CENPE: variants seen among roughly 807,000 people sequenced by gnomAD.
CENPE encodes the protein centromere-associated protein E.
In CENPE, 145 loss-of-function variants were observed where a neutral mutation model predicts 336.1. That is an observed-to-expected ratio of 0.43 (90% CI 0.38 to 0.50). The LOEUF (loss-of-function observed/expected upper bound fraction) is 0.50. Ranked by LOEUF, CENPE falls within the 20% of genes least tolerant of loss-of-function variation. The pLI is 0.00. For synonymous variants in CENPE, 1,013 were observed against 984.8 expected (o/e 1.03, Z -0.54); for missense variants, 2,719 against 3,023.3 (o/e 0.90, Z 2.36).
intron 41 of CENPE, among the ~76,000 whole-genome samples, 196 bp downstream of exon 41, chr4:103,133,499 A>G (rs1385080318): frequency 2.0e-5 from 3 of 152,174 alleles, no homozygotes; most frequent in Admixed American, 6.5e-5. Flanking sequence ...GCATAGACAT[A>G]AGTTTTCCTG....
intron 46 of CENPE, 147 bp downstream of exon 46, chr4:103,114,308 T>C (rs1749883262): frequency 1.8e-6 from 1 of 564,366 alleles, no homozygotes; most frequent in Non-Finnish European, 3.1e-6. Context: ...TCTGGAAATA[T>C]GGTTCCAATA....
chr4:103,158,565 G>C (rs376919411), intron 23 of CENPE, 49 bp downstream of exon 23: 1 of 1,541,642 alleles, frequency 6.5e-7, no homozygotes, highest in Non-Finnish European at 8.7e-7. Context: ...CCTCTGCAAT[G>C]TTTTTAAGAG....
rs1364108545 is a variant in CENPE, at chr4:103,140,359, T to G, written c.5810A>C (p.Lys1937Thr). The G allele has an allele frequency of 6.2e-7, 1 of 1,605,558 alleles. No homozygotes were observed. Among genetic ancestry groups the G allele is most frequent in the African/African-American group, 1.3e-5 (1 of 74,532 alleles). ...TTCTCTAAGTTTATCAACAGTTTCT[T>G]TGTGTTCTTTTGATAGCATACGAGC... ...KTARMLSKEH[K>T]ETVDKLREKI... The change falls in exon 37 of 49, where the codon AAA (lysine) becomes ACA (threonine). Residue 1937 changes from lysine (K) to threonine (T), a missense_variant. By Grantham distance (78) the Lys-to-Thr change is moderately conservative. Transcript: ENST00000265148.
intron 16 of CENPE, among the ~76,000 whole-genome samples, chr4:103,164,496 C>A (rs1754739623): frequency 6.6e-6 from 1 of 151,954 alleles, no homozygotes; most frequent in Admixed American, 6.6e-5. Context: ...TAGGTCAGTG[C>A]TATCCAAGAG....
Position 103,161,143 on chromosome 4 carries a change from A to C in CENPE, c.2074T>G (p.Ser692Ala). Residue 692 changes from serine to alanine, a missense_variant, in exon 20 of 49, where the codon TCT becomes GCT. Physicochemically the swap from Ser to Ala is moderately conservative, Grantham distance 99. Coordinates refer to ENST00000265148, the MANE Select transcript of CENPE (RefSeq NM_001813.3). ...MQVDLEKELQ[S>A]AFNEITKLTS... ...AGTTTTGTTATCTCATTAAAAGCAG[A>C]TTGTAATTCTTTCTCCAGATCAACT... The C allele has an allele frequency of 6.2e-7, 1 of 1,612,088 alleles. No individual in the cohort carries two copies. The highest frequency in any genetic ancestry group is 8.5e-7 in the Non-Finnish European group (1 of 1,179,090).
At chr4:103,120,037 G>T (rs1578549819) in intron 44 of CENPE, 111 bp downstream of exon 44, 1 of 717,498 alleles carries the variant, frequency 1.4e-6, no homozygotes, top group East Asian at 2.8e-5. Context: ...AAACACATAG[G>T]TAACAGTAAG....
intron 9 of CENPE, among the ~76,000 whole-genome samples, 184 bp from the exon 10 acceptor site, chr4:103,183,472 A>C (rs1756491026): frequency 6.6e-6 from 1 of 152,158 alleles, no homozygotes; most frequent in Non-Finnish European, 1.5e-5. Context: ...TCCCACTTCA[A>C]GTGAATCAGA....
intron 47 of CENPE, among the ~76,000 whole-genome samples, chr4:103,109,966 G>C (rs1489912820): frequency 6.6e-6 from 1 of 152,070 alleles, no homozygotes; most frequent in African/African-American, 2.4e-5. Context: ...GGCCACACTG[G>C]ATGTCTTTCA....
chr4:103,176,074 G>T (rs1184287196), intron 14 of CENPE, 26 bp from the exon 15 acceptor site: 2 of 1,410,990 alleles, frequency 1.4e-6, no homozygotes, highest in Admixed American at 4.5e-5. Flanking sequence ...AAAAAAATTT[G>T]TCCATGAACA....
chr4:103,130,398 T>C (rs2125890847), intron 42 of CENPE, among the ~76,000 whole-genome samples: 1 of 152,222 alleles, frequency 6.6e-6, no homozygotes, highest in East Asian at 1.9e-4. Context: ...AATTTGAAAT[T>C]AAAAATACAT....
chr4:103,176,769 C>A, intron 14 of CENPE, 130 bp downstream of exon 14: 1 of 659,074 alleles, frequency 1.5e-6, no homozygotes, highest in Non-Finnish European at 2.3e-6. Flanking sequence ...ATCATAGTCT[C>A]CATTGTAATC....
intron 42 of CENPE, among the ~76,000 whole-genome samples, chr4:103,130,927 A>G (rs1751534325): frequency 6.6e-6 from 1 of 151,254 alleles, no homozygotes; most frequent in Admixed American, 6.6e-5. Flanking sequence ...AAAAAAAAAA[A>G]GACCTTAAGA....
At chr4:103,194,167 G>A (rs1757570242) in intron 8 of CENPE, 62 bp downstream of exon 8, 2 of 1,236,522 alleles carry the variant, frequency 1.6e-6, no homozygotes, top group Non-Finnish European at 2.3e-6. Context: ...CAAACATCCA[G>A]CAACTAAATT....
chr4:103,142,301 C>T (rs114746033), intron 34 of CENPE, among the ~76,000 whole-genome samples: 229 of 152,206 alleles, frequency 1.5e-3, no homozygotes, highest in African/African-American at 5.3e-3. Context: ...AGGCTAAAGT[C>T]CGTAAGGAAA....
In CENPE at chr4:103,177,903, T is replaced by C. The variant is rs138204249; in HGVS notation, c.1243-857A>G. Among the ~76,000 whole-genome samples the C allele has an allele frequency of 7.5e-4, 114 of 152,124 alleles. No individual in the cohort carries two copies. The East Asian group carries it at 0.017, about 22-fold the overall frequency. Reference sequence around the variant, plus strand: ...CTACCAAAGCCACACCTGGACCTTGTCATTATCTGAAAGTCATAAACTAGA... The same window carrying C: ...CTACCAAAGCCACACCTGGACCTTGCCATTATCTGAAAGTCATAAACTAGA... On this transcript the variant is annotated intron_variant, in intron 13 of 48. Coordinates refer to ENST00000265148, the MANE Select transcript of CENPE (RefSeq NM_001813.3).
intron 28 of CENPE, among the ~76,000 whole-genome samples, chr4:103,148,298 A>G (rs1379660652): frequency 6.6e-6 from 1 of 152,212 alleles, no homozygotes; most frequent in African/African-American, 2.4e-5. Flanking sequence ...CAATAAATGT[A>G]TGATCTCCAT....
intron 6 of CENPE, 54 bp from the exon 7 acceptor site, chr4:103,194,495 C>T: frequency 6.8e-7 from 1 of 1,473,218 alleles, no homozygotes; most frequent in Non-Finnish European, 9.3e-7. Context: ...CATAGAAACA[C>T]AATAATTTTT....
intron 16 of CENPE, among the ~76,000 whole-genome samples, chr4:103,166,294 G>C (rs1438590005): frequency 2.6e-5 from 4 of 152,146 alleles, no homozygotes; most frequent in Non-Finnish European, 5.9e-5. Flanking sequence ...TAATAGGATT[G>C]GATCTGCGGT....
At chr4:103,117,946 G>A (rs1750288661) in intron 44 of CENPE, among the ~76,000 whole-genome samples, 1 of 152,066 alleles carries the variant, frequency 6.6e-6, no homozygotes, top group Admixed American at 6.6e-5. Context: ...TCTTTTAATT[G>A]CTGAATACTA....
Sources: allele counts gnomAD v4.1 joint callset (sites outside exome capture counted in the v4.1 genomes callset), GRCh38; gene constraint gnomAD v4.1.1; transcripts MANE v1.5; gene names NCBI Gene and HGNC (gene_info 2026-07-23, HGNC 2026-07-21).